NRIP1: variants seen among roughly 807,000 people sequenced by gnomAD.
NRIP1 encodes the protein nuclear receptor-interacting protein 1.
NRIP1 carries 28 observed loss-of-function variants against 75.0 expected under a neutral mutation model. The observed-to-expected ratio is 0.37, with a 90% CI of 0.28 to 0.51. The LOEUF (loss-of-function observed/expected upper bound fraction) is 0.51. Ranked by LOEUF, NRIP1 falls within the 20% of genes least tolerant of loss-of-function variation. The pLI is 0.92. For missense variants in NRIP1, 1,435 were observed against 1,343.7 expected, an observed-to-expected ratio of 1.07 and a Z score of -1.06; for synonymous variants, 526 against 487.6, an observed-to-expected ratio of 1.08 and a Z score of -1.04.
At chr21:15,063,220 G>C (rs976397191) in intron 1 of NRIP1, among the ~76,000 whole-genome samples, 2 of 152,156 alleles carry the variant, frequency 1.3e-5, no homozygotes, top group African/African-American at 4.8e-5. Context: ...CAGAAAAAAA[G>C]TTACTGTAGG....
At chr21:15,059,054 A>G (rs2147414150) in intron 1 of NRIP1, among the ~76,000 whole-genome samples, 1 of 152,348 alleles carries the variant, frequency 6.6e-6, no homozygotes, top group Admixed American at 6.5e-5. Flanking sequence ...ACAAGTGACT[A>G]AGGAATGACT....
At chr21:15,035,440 AT>A (rs2088809655) in intron 2 of NRIP1, among the ~76,000 whole-genome samples, 1 of 152,180 alleles carries the variant, frequency 6.6e-6, no homozygotes, top group Non-Finnish European at 1.5e-5. Context: ...TAAAGTCTGT[AT>A]AATTCTCATT....
chr21:14,972,447 G>A (rs1489405295), intron 3 of NRIP1, among the ~76,000 whole-genome samples: 2 of 152,050 alleles, frequency 1.3e-5, no homozygotes, highest in East Asian at 3.8e-4. Context: ...GACGTTTTAA[G>A]GTTAAAATGT....
At chr21:15,026,311 C>T (rs546641326) in intron 2 of NRIP1, among the ~76,000 whole-genome samples, 248 of 152,262 alleles carry the variant, frequency 1.6e-3, no homozygotes, top group Non-Finnish European at 2.9e-3. Context: ...CGTTATCACA[C>T]AGAAAAGTAA....
intron 2 of NRIP1, among the ~76,000 whole-genome samples, chr21:15,032,872 G>A (rs1225365904): frequency 6.6e-6 from 1 of 152,192 alleles, no homozygotes; most frequent in Admixed American, 6.5e-5. Flanking sequence ...AAAATATAAA[G>A]TAGTCTGTTT....
chr21:14,964,628 T>G lies in NRIP1; in HGVS notation c.*88A>C, dbSNP rs1205896940. 2.8e-6 allele frequency: 3 copies of G among 1,078,230 alleles called. No homozygotes were observed. Among genetic ancestry groups the G allele is most frequent in the African/African-American group, 1.6e-5 (1 of 62,886 alleles). 66.8% of individuals were successfully genotyped at this position (1,078,230 alleles called of 1,614,324 possible). ...AAAAAAGTTTCAATTATACCATGCT[T>G]TTTTTCAAATCATGCTCTTATTTAT... On this transcript the variant is annotated 3_prime_UTR_variant, in exon 4 of 4. Coordinates refer to ENST00000318948, the MANE Select transcript of NRIP1 (RefSeq NM_003489.4).
chr21:15,014,052 A>T lies in NRIP1; in HGVS notation c.-335+292T>A, dbSNP rs2088169978. ...ATTCCTCTCTCCAGAAGTAATCTAC[A>T]CACTGAATTCTCAAGAATATTTTTC... On this transcript the variant is annotated intron_variant, in intron 3 of 3. Coordinates refer to ENST00000318948, the MANE Select transcript of NRIP1 (RefSeq NM_003489.4). Among the ~76,000 whole-genome samples, 3 of 152,198 alleles carry T rather than the reference A, an allele frequency of 2.0e-5. No individual in the cohort carries two copies. In the South Asian group the frequency reaches 6.2e-4, roughly 31 times the overall value.
At position 14,965,165 on chromosome 21, in the gene NRIP1, CAGG is replaced by C; in HGVS notation, c.3025_3027del (p.Pro1009del). On this transcript the variant is annotated inframe_deletion, in exon 4 of 4. Coordinates refer to ENST00000318948, the MANE Select transcript of NRIP1 (RefSeq NM_003489.4). ...AAGTGCTCAGGGAAAGTAGGACTCA[CAGG>C]AGTTTTTACTACACCTGGGTATGAA... 1 of 1,613,208 alleles carries C rather than the reference CAGG, an allele frequency of 6.2e-7. No individual in the cohort carries two copies. Among genetic ancestry groups the C allele is most frequent in the Non-Finnish European group, 8.5e-7 (1 of 1,179,906 alleles).
rs1208731572 is a variant in NRIP1, at chr21:15,064,942, G to A, written c.-735C>T. ...GGGCGTGGGGCCGGGTCGTCCCTGC[G>A]CCTCGCCGCCGCCTCCTCCGCCGCC... On this transcript the variant is annotated 5_prime_UTR_variant, in exon 1 of 4. Coordinates refer to ENST00000318948, the MANE Select transcript of NRIP1 (RefSeq NM_003489.4). 6.7e-6 allele frequency: 1 copy of A among 148,834 alleles called. No individual in the cohort carries two copies. The highest frequency in any genetic ancestry group is 2.5e-5 in the African/African-American group (1 of 39,766). 9.2% of individuals were successfully genotyped at this position (148,834 alleles called of 1,614,324 possible). A position where few individuals can be genotyped will look rare whatever the true frequency, so the allele number is the denominator to read the frequency against.
chr21:14,977,562 C>A lies in NRIP1; in HGVS notation c.-334-9036G>T, dbSNP rs1217307087. On this transcript the variant is annotated intron_variant, in intron 3 of 3. Transcript: ENST00000318948. ...TTCATTTAAGAAGACAACAGTGAAT[C>A]CTCTATTATCAATTAAAAAGTCACT... is the stretch of plus-strand genomic sequence containing the variant. 2.3e-5 allele frequency among the ~76,000 whole-genome samples: 3 copies of A among 132,846 alleles called. No homozygotes were observed. In the Admixed American group the frequency reaches 2.3e-4, roughly 10 times the overall value. 87.2% of individuals were successfully genotyped at this position (132,846 alleles called of 152,430 possible).
intron 1 of NRIP1, among the ~76,000 whole-genome samples, chr21:15,047,297 T>G (rs1331963573): frequency 9.2e-6 from 1 of 108,128 alleles, no homozygotes; most frequent in Non-Finnish European, 1.8e-5. Flanking sequence ...ATTCCAGCAC[T>G]TTGGGAGGCC....
intron 1 of NRIP1, among the ~76,000 whole-genome samples, chr21:15,063,751 C>A (rs1667155962): frequency 6.6e-6 from 1 of 152,178 alleles, no homozygotes; most frequent in Admixed American, 6.5e-5. Context: ...TGCCTAAGAA[C>A]GTCTTTTTTC....
chr21:15,013,091 C>T (rs1568979508), intron 3 of NRIP1, among the ~76,000 whole-genome samples: 5 of 151,892 alleles, frequency 3.3e-5, no homozygotes, highest in Admixed American at 1.3e-4. Context: ...GTGATTAACA[C>T]CTAATTATAT....
intron 1 of NRIP1, among the ~76,000 whole-genome samples, chr21:15,053,313 A>G (rs2089240658): frequency 6.6e-6 from 1 of 152,222 alleles, no homozygotes; most frequent in Non-Finnish European, 1.5e-5. Context: ...CGGGAGGAAT[A>G]CCCATGGATG....
intron 1 of NRIP1, among the ~76,000 whole-genome samples, chr21:15,061,295 C>A (rs1191002511): frequency 6.6e-6 from 1 of 152,108 alleles, no homozygotes; most frequent in Non-Finnish European, 1.5e-5. Flanking sequence ...ATTAAACAAA[C>A]ACACAGAACA....
chr21:15,062,965 T>A (rs1285617589), intron 1 of NRIP1, among the ~76,000 whole-genome samples: 1 of 152,178 alleles, frequency 6.6e-6, no homozygotes, highest in African/African-American at 2.4e-5. Context: ...CCCACAGGCA[T>A]TAAACCTGGT....
intron 2 of NRIP1, among the ~76,000 whole-genome samples, chr21:15,043,225 T>C (rs2088997039): frequency 6.6e-6 from 1 of 152,234 alleles, no homozygotes; most frequent in Non-Finnish European, 1.5e-5. Context: ...TTTAAAATAG[T>C]TCTATAGTAG....
intron 2 of NRIP1, among the ~76,000 whole-genome samples, chr21:15,018,667 T>C (rs961875651): frequency 1.3e-5 from 2 of 152,172 alleles, no homozygotes; most frequent in African/African-American, 4.8e-5. Context: ...ATCTCAAATT[T>C]GTTTTTTAAT....
intron 2 of NRIP1, among the ~76,000 whole-genome samples, chr21:15,040,353 T>C (rs1430284015): frequency 6.6e-6 from 1 of 152,046 alleles, no homozygotes; most frequent in East Asian, 1.9e-4. Flanking sequence ...CATTTAAAAT[T>C]TAAACTTACA....
Sources: gnomAD v4.1 joint callset for allele counts (sites outside exome capture counted in the v4.1 genomes callset) on GRCh38, gnomAD v4.1.1 for gene constraint, MANE v1.5 for transcripts, NCBI Gene and HGNC (gene_info 2026-07-23, HGNC 2026-07-21) for gene names.